Variants in NRXN3 observed in about 807,000 individuals in gnomAD.
NRXN3 encodes neurexin III.
In NRXN3, 32 loss-of-function variants were observed where a neutral mutation model predicts 137.6. The ratio of observed to expected loss-of-function variants is 0.23; its 90% confidence interval spans 0.18 to 0.31. The LOEUF (loss-of-function observed/expected upper bound fraction) is 0.31, where lower values mean the gene tolerates loss of function less well. Ranked by LOEUF, NRXN3 falls within the 10% of genes least tolerant of loss-of-function variation. NRXN3 has a pLI of 1.00. For synonymous variants in NRXN3, 798 were observed against 784.5 expected, an observed-to-expected ratio of 1.02 and a Z score of -0.29; for missense variants, 1,574 against 2,062.5, an observed-to-expected ratio of 0.76 and a Z score of 4.59.
intron 4 of NRXN3, among the ~76,000 whole-genome samples, chr14:78,350,953 A>C: frequency 7.1e-6 from 1 of 139,866 alleles, no homozygotes; most frequent in Non-Finnish European, 1.5e-5. Context: ...TATGTACTTC[A>C]GATCTATTTT....
chr14:79,637,393 A>C (rs1446132635), intron 16 of NRXN3, among the ~76,000 whole-genome samples: 1 of 152,140 alleles, frequency 6.6e-6, no homozygotes, highest in African/African-American at 2.4e-5. Flanking sequence ...CCACATTGTA[A>C]AGACACATTC....
chr14:79,396,312 T>C (rs2095025021), intron 15 of NRXN3, among the ~76,000 whole-genome samples: 1 of 152,030 alleles, frequency 6.6e-6, no homozygotes, highest in Non-Finnish European at 1.5e-5. Context: ...GTGAAAGATA[T>C]CTACATATAT....
chr14:79,723,416 A>G (rs1018105764), intron 19 of NRXN3, among the ~76,000 whole-genome samples: 12 of 152,104 alleles, frequency 7.9e-5, no homozygotes, highest in Admixed American at 5.2e-4. Flanking sequence ...CCCCTTGTCT[A>G]GAGTTTGCCC....
At chr14:79,375,670 G>C (rs989271415) in intron 15 of NRXN3, among the ~76,000 whole-genome samples, 1 of 152,024 alleles carries the variant, frequency 6.6e-6, no homozygotes, top group Non-Finnish European at 1.5e-5. Context: ...ATTAAGATTA[G>C]ATTAGTTTTC....
intron 3 of NRXN3, among the ~76,000 whole-genome samples, chr14:78,288,286 C>G (rs2075408887): frequency 6.6e-6 from 1 of 152,068 alleles, no homozygotes; most frequent in South Asian, 2.1e-4. Context: ...GGCCTGGACT[C>G]CCTTTTTCTA....
At chr14:78,482,878 T>TTTGC (rs1401518207) in intron 4 of NRXN3, among the ~76,000 whole-genome samples, 10 of 152,190 alleles carry the variant, frequency 6.6e-5, no homozygotes, top group Non-Finnish European at 1.3e-4. Flanking sequence ...CATTGGTTAC[T>TTTGC]AGTCAATCTG....
intron 19 of NRXN3, among the ~76,000 whole-genome samples, chr14:79,723,463 A>G (rs1029525779): frequency 1.8e-4 from 27 of 152,148 alleles, no homozygotes; most frequent in African/African-American, 6.0e-4. Flanking sequence ...TAGATGATCA[A>G]TTGCTCATGC....
chr14:78,535,147 A>G (rs1000458422), intron 4 of NRXN3, among the ~76,000 whole-genome samples: 1 of 151,940 alleles, frequency 6.6e-6, no homozygotes, highest in African/African-American at 2.4e-5. Flanking sequence ...TTGAAAAAAA[A>G]AAAAAAGCCT....
chr14:78,595,867 A>G (rs903073647), intron 4 of NRXN3, among the ~76,000 whole-genome samples: 2 of 152,186 alleles, frequency 1.3e-5, no homozygotes, highest in African/African-American at 2.4e-5. Flanking sequence ...GGAGAGAGAG[A>G]TATTGAGACA....
chr14:78,273,923 G>T (rs1462922937), intron 2 of NRXN3, among the ~76,000 whole-genome samples: 2 of 152,188 alleles, frequency 1.3e-5, no homozygotes, highest in African/African-American at 4.8e-5. Flanking sequence ...TCAGACTCAA[G>T]GCAGAGTTCA....
At chr14:79,858,669 A>C (rs946333022) in intron 20 of NRXN3, among the ~76,000 whole-genome samples, 1 of 151,878 alleles carries the variant, frequency 6.6e-6, no homozygotes, top group Non-Finnish European at 1.5e-5. Context: ...TGTCCTCTGA[A>C]GGTAAGTAAA....
chr14:79,408,221 C>T (rs2095351103), intron 15 of NRXN3, among the ~76,000 whole-genome samples: 1 of 152,122 alleles, frequency 6.6e-6, no homozygotes, highest in South Asian at 2.1e-4. Flanking sequence ...TGATATGATG[C>T]AGTTTAACAT....
intron 4 of NRXN3, among the ~76,000 whole-genome samples, chr14:78,581,972 C>T (rs1032388825): frequency 1.3e-5 from 2 of 152,198 alleles, no homozygotes; most frequent in African/African-American, 2.4e-5. Context: ...CTGTTTGTAC[C>T]TTTCTTTGAT....
intron 2 of NRXN3, among the ~76,000 whole-genome samples, chr14:78,273,843 A>G (rs17755066): frequency 0.17 from 26,229 of 152,120 alleles, 2,590 homozygotes; most frequent in Middle Eastern, 0.24. Context: ...TCTCATACTG[A>G]TGGGCCTGTA....
Position 79,868,078 on chromosome 14 carries a change from A to T in NRXN3, c.*6114A>T, listed in dbSNP as rs1022384942. ...CAGCTTTCATACCTATAATTTTGTT[A>T]TACTTATCTTGCAGGTTTCTTGAGA... On this transcript the variant is annotated 3_prime_UTR_variant, in exon 21 of 21. Transcript: ENST00000335750. The T allele has an allele frequency of 1.3e-5, 2 of 152,112 alleles. No individual in the cohort carries two copies. Among genetic ancestry groups the T allele is most frequent in the Non-Finnish European group, 2.9e-5 (2 of 68,040 alleles). 9.4% of individuals were successfully genotyped at this position (152,112 alleles called of 1,614,324 possible).
intron 15 of NRXN3, among the ~76,000 whole-genome samples, chr14:79,256,164 C>G (rs527874192): frequency 5.3e-5 from 8 of 150,170 alleles, no homozygotes; most frequent in African/African-American, 1.0e-4. Flanking sequence ...CTCTCTGTCT[C>G]TCTCTCTGTC....
At chr14:79,267,832 A>C (rs2078680901) in intron 15 of NRXN3, among the ~76,000 whole-genome samples, 1 of 152,206 alleles carries the variant, frequency 6.6e-6, no homozygotes, top group South Asian at 2.1e-4. Flanking sequence ...TAATTGACGT[A>C]GACTGGTATG....
At chr14:78,330,080 T>C (rs1382484988) in intron 4 of NRXN3, among the ~76,000 whole-genome samples, 3 of 152,200 alleles carry the variant, frequency 2.0e-5, no homozygotes, top group African/African-American at 7.2e-5. Flanking sequence ...TTGATTTCTT[T>C]ATACGGTAGG....
At chr14:79,594,691 A>C (rs1298379926) in intron 16 of NRXN3, among the ~76,000 whole-genome samples, 1 of 71,822 alleles carries the variant, frequency 1.4e-5, no homozygotes, top group Non-Finnish European at 2.5e-5. Context: ...CCAGGTCTTC[A>C]AAAAAAAATA....
Sources: allele counts gnomAD v4.1 joint callset (sites outside exome capture counted in the v4.1 genomes callset), GRCh38; gene constraint gnomAD v4.1.1; transcripts MANE v1.5; gene names NCBI Gene and HGNC (gene_info 2026-07-23, HGNC 2026-07-21).